Variants in RCAN2 observed in about 807,000 individuals in gnomAD.
RCAN2 encodes the protein calcipressin-2.
A neutral mutation model predicts 23.6 loss-of-function variants in RCAN2; 9 were observed. The observed-to-expected ratio is 0.38, with a 90% CI of 0.23 to 0.67. RCAN2 has a LOEUF of 0.67. RCAN2 is among the 30% of genes least tolerant of loss of function. The pLI is 0.51. For synonymous variants in RCAN2, 109 were observed against 115.7 expected (o/e 0.94, Z 0.37); for missense variants, 273 against 302.3 (o/e 0.90, Z 0.72).
intron 2 of RCAN2, among the ~76,000 whole-genome samples, chr6:46,306,120 G>A (rs907180232): frequency 1.3e-5 from 2 of 152,086 alleles, no homozygotes; most frequent in Non-Finnish European, 2.9e-5. Context: ...GATTACAGGG[G>A]ATATGGTGAG....
Position 46,415,943 on chromosome 6 carries a change from A to C in RCAN2, c.225+40809T>G, listed in dbSNP as rs541986541. 3.9e-4 allele frequency among the ~76,000 whole-genome samples: 59 copies of C among 152,360 alleles called. No individual in the cohort carries two copies. The South Asian group carries it at 0.011, about 29-fold the overall frequency. On this transcript the variant is annotated intron_variant, in intron 2 of 4. Coordinates refer to ENST00000371374, the MANE Select transcript of RCAN2 (RefSeq NM_001251974.2). ...ATAACTACTAACAAACTCTTGGATC[A>C]TTTAAATCAACTGTAGATTACTTAT...
chr6:46,277,795 C>T (rs185815037), intron 2 of RCAN2, among the ~76,000 whole-genome samples: 1 of 151,936 alleles, frequency 6.6e-6, no homozygotes, highest in Non-Finnish European at 1.5e-5. Context: ...CTATTTCTGT[C>T]TTCTTCAGTA....
intron 2 of RCAN2, among the ~76,000 whole-genome samples, chr6:46,437,692 G>A (rs1438797857): frequency 6.6e-6 from 1 of 152,178 alleles, no homozygotes; most frequent in Non-Finnish European, 1.5e-5. Flanking sequence ...AGTATGCCTT[G>A]AGCTTGAAAA....
At chr6:46,233,721 C>CTTTTT (rs1240948992) in intron 4 of RCAN2, among the ~76,000 whole-genome samples, 9 of 130,766 alleles carry the variant, frequency 6.9e-5, no homozygotes, top group Non-Finnish European at 9.7e-5. Flanking sequence ...AAGAACACTT[C>CTTTTT]TTTTTTTTTT....
chr6:46,259,454 G>T (rs1342431762), intron 2 of RCAN2, among the ~76,000 whole-genome samples: 1 of 152,096 alleles, frequency 6.6e-6, no homozygotes, highest in African/African-American at 2.4e-5. Flanking sequence ...TGGAGTCCAG[G>T]TTTTCAGAAC....
chr6:46,376,067 C>G (rs1311212990), intron 2 of RCAN2, among the ~76,000 whole-genome samples: 1 of 152,152 alleles, frequency 6.6e-6, no homozygotes, highest in Non-Finnish European at 1.5e-5. Context: ...CAATTCCTCT[C>G]AGAGGTGATT....
rs529898918 is a variant in RCAN2, at chr6:46,381,735, G to A, written c.225+75017C>T. 1.2e-4 allele frequency among the ~76,000 whole-genome samples: 18 copies of A among 152,218 alleles called. No individual in the cohort carries two copies. In the East Asian group the frequency reaches 1.4e-3, roughly 11 times the overall value. ...GTGCTTAACTTTTAGCTGAGGTCAC[G>A]GCATCCTGTTCTACCTGCTCACCTC... On this transcript the variant is annotated intron_variant, in intron 2 of 4. Coordinates refer to ENST00000371374, the MANE Select transcript of RCAN2 (RefSeq NM_001251974.2).
At chr6:46,463,007 G>A (rs1348280109) in intron 1 of RCAN2, among the ~76,000 whole-genome samples, 1 of 152,204 alleles carries the variant, frequency 6.6e-6, no homozygotes, top group Non-Finnish European at 1.5e-5. Flanking sequence ...GCCACAGAAA[G>A]ATGGTAAACA....
intron 2 of RCAN2, among the ~76,000 whole-genome samples, chr6:46,264,865 G>A (rs115859495): frequency 2.7e-3 from 418 of 152,222 alleles, no homozygotes; most frequent in African/African-American, 8.6e-3. Flanking sequence ...ACTAGGCCCC[G>A]CACATATGCT....
At chr6:46,397,733 T>G (rs1186406414) in intron 2 of RCAN2, among the ~76,000 whole-genome samples, 1 of 152,184 alleles carries the variant, frequency 6.6e-6, no homozygotes, top group Non-Finnish European at 1.5e-5. Context: ...CATCCCAAAG[T>G]AGTCTATAAT....
chr6:46,471,350 A>G (rs1240136103), intron 1 of RCAN2, among the ~76,000 whole-genome samples: 2 of 152,208 alleles, frequency 1.3e-5, no homozygotes, highest in African/African-American at 4.8e-5. Context: ...AATCTAGGTA[A>G]CAGATGATGG....
chr6:46,399,034 G>A (rs1368326162), intron 2 of RCAN2, among the ~76,000 whole-genome samples: 3 of 151,884 alleles, frequency 2.0e-5, no homozygotes, highest in Non-Finnish European at 4.4e-5. Flanking sequence ...AACTGGAGTC[G>A]ACAACAATCT....
chr6:46,309,494 C>G (rs1763184864), intron 2 of RCAN2, among the ~76,000 whole-genome samples: 1 of 152,166 alleles, frequency 6.6e-6, no homozygotes, highest in Non-Finnish European at 1.5e-5. Context: ...TCCAGAGGCA[C>G]CATGATCTTC....
rs1055346173 is a variant in RCAN2, at chr6:46,460,182, G to A, written c.-2-3204C>T. ...AAAGTGATCCTTCCACCTCAGCCTC[G>A]TGAGTGGCTGGGACTACAGGCATGC... On this transcript the variant is annotated intron_variant, in intron 1 of 4. Transcript: ENST00000371374. Among the ~76,000 whole-genome samples the A allele has an allele frequency of 8.6e-5, 13 of 151,758 alleles. No homozygotes were observed. In the South Asian group the frequency reaches 1.2e-3, roughly 15 times the overall value.
chr6:46,223,894 A>G lies in RCAN2; in HGVS notation c.572-593T>C, dbSNP rs1765562690. 2.6e-5 allele frequency among the ~76,000 whole-genome samples: 4 copies of G among 152,162 alleles called. No individual in the cohort carries two copies. In the South Asian group the frequency reaches 8.3e-4, roughly 32 times the overall value. Reference sequence around the variant, plus strand: ...CTTGACTGGCTCATATTACAGTCAAATGGCTGTTAGCTGACTGGCTTTCTG... The same window carrying G: ...CTTGACTGGCTCATATTACAGTCAAGTGGCTGTTAGCTGACTGGCTTTCTG... On this transcript the variant is annotated intron_variant, in intron 4 of 4. Transcript: ENST00000371374.
intron 2 of RCAN2, among the ~76,000 whole-genome samples, chr6:46,254,280 GA>G (rs1766832183): frequency 6.6e-6 from 1 of 152,188 alleles, no homozygotes. Flanking sequence ...CAGGATCTCA[GA>G]AGTAAGGATC....
chr6:46,403,989 A>G (rs1766329883), intron 2 of RCAN2, among the ~76,000 whole-genome samples: 1 of 152,180 alleles, frequency 6.6e-6, no homozygotes, highest in Non-Finnish European at 1.5e-5. Context: ...TGGGAGGTCG[A>G]GGAGGGTGGA....
intron 1 of RCAN2, among the ~76,000 whole-genome samples, chr6:46,486,291 G>C (rs1333723522): frequency 6.6e-6 from 1 of 152,152 alleles, no homozygotes; most frequent in Non-Finnish European, 1.5e-5. Flanking sequence ...TTGTTGTAAG[G>C]ATTAAATGAG....
At chr6:46,485,584 C>A (rs534629577) in intron 1 of RCAN2, among the ~76,000 whole-genome samples, 6 of 152,190 alleles carry the variant, frequency 3.9e-5, no homozygotes, top group Non-Finnish European at 8.8e-5. Context: ...CATGCCTCAG[C>A]AGACAGTGGA....
Sources: gnomAD v4.1 joint callset for allele counts (sites outside exome capture counted in the v4.1 genomes callset) on GRCh38, gnomAD v4.1.1 for gene constraint, MANE v1.5 for transcripts, NCBI Gene and HGNC (gene_info 2026-07-23, HGNC 2026-07-21) for gene names.